The following PPARGC1A variants were observed in gnomAD, a reference collection of about 807,000 sequenced individuals.
The protein encoded by PPARGC1A is PPARG coactivator 1 alpha.
Under a neutral mutation model 88.7 loss-of-function variants are expected in PPARGC1A, and 25 were observed. The ratio of observed to expected loss-of-function variants is 0.28; its 90% CI spans 0.21 to 0.39. The LOEUF (loss-of-function observed/expected upper bound fraction) is 0.39, where lower values mean the gene tolerates loss of function less well. Among genes scored for constraint, PPARGC1A ranks in the 10% least tolerant of loss-of-function variants. The probability of loss-of-function intolerance (pLI) is 1.00; values close to 1 mark genes in which losing one functional copy is unlikely to be tolerated. For missense variants in PPARGC1A, 880 were observed against 968.7 expected (o/e 0.91, Z 1.22); for synonymous variants, 363 against 355.6 (o/e 1.02, Z -0.24).
chr4:24,052,109 T>A, the PPARGC1A span, among the ~76,000 whole-genome samples: 1 of 152,150 alleles, frequency 6.6e-6, no homozygotes, highest in Admixed American at 6.5e-5. Flanking sequence ...GTATAAACAA[T>A]GATTCTGAGG....
the PPARGC1A span, among the ~76,000 whole-genome samples, chr4:24,068,305 T>C: frequency 4.6e-5 from 7 of 152,178 alleles, no homozygotes; most frequent in African/African-American, 1.7e-4. Flanking sequence ...AACTAGAAGG[T>C]AGGAATGATT....
In PPARGC1A at chr4:23,824,504, T is replaced by C; in HGVS notation, c.762A>G (p.Lys254=). The change falls in exon 6 of 13, where the codon AAA becomes AAG. Residue 254 remains lysine, a synonymous_variant. Coordinates refer to ENST00000264867, the MANE Select transcript of PPARGC1A (RefSeq NM_013261.5). Reference sequence around the variant, plus strand: ...TCAGAGGAAGAGATAAAGTTGTTGGTTTGGCTAAAGAAAAAAAAAAGAAAC... The same window carrying C: ...TCAGAGGAAGAGATAAAGTTGTTGGCTTGGCTAAAGAAAAAAAAAAGAAAC... ...TQSQSQHLQA[K]PTTLSLPLTP... 6.2e-7 allele frequency: 1 copy of C among 1,603,396 alleles called. No homozygotes were observed.
the PPARGC1A span, among the ~76,000 whole-genome samples, chr4:24,021,534 T>TG: frequency 4.7e-5 from 6 of 128,668 alleles, no homozygotes; most frequent in African/African-American, 9.1e-5. Context: ...GGGTGAGAAG[T>TG]GGGGGGCATA....
the PPARGC1A span, among the ~76,000 whole-genome samples, chr4:24,176,463 G>A: frequency 6.6e-6 from 1 of 152,138 alleles, no homozygotes; most frequent in Admixed American, 6.5e-5. Context: ...ATGTGAAATG[G>A]GGTAAAGGAG....
chr4:24,097,890 C>T, the PPARGC1A span, among the ~76,000 whole-genome samples: 5 of 152,088 alleles, frequency 3.3e-5, no homozygotes, highest in African/African-American at 1.2e-4. Context: ...GGAGTGAAGA[C>T]TTTCTGGTCT....
At chr4:23,889,038 TC>T (rs1717381263) in intron 1 of PPARGC1A, 1 of 985,090 alleles carries the variant, frequency 1.0e-6, no homozygotes, top group African/African-American at 1.7e-5. Flanking sequence ...AGGTCCTCCG[TC>T]CCCCCACTAG....
the PPARGC1A span, among the ~76,000 whole-genome samples, chr4:24,256,329 C>T: frequency 6.6e-6 from 1 of 152,182 alleles, no homozygotes; most frequent in African/African-American, 2.4e-5. Flanking sequence ...GACATGTCAA[C>T]AAGTCTGCCT....
the PPARGC1A span, among the ~76,000 whole-genome samples, chr4:24,230,186 A>G: frequency 6.6e-6 from 1 of 152,188 alleles, no homozygotes; most frequent in East Asian, 1.9e-4. Context: ...GATCATCCTT[A>G]GTCATTCTTG....
the PPARGC1A span, among the ~76,000 whole-genome samples, chr4:24,135,500 C>A: frequency 6.6e-6 from 1 of 152,036 alleles, no homozygotes. Flanking sequence ...TTTCTCCTCT[C>A]GTAAGAAAAT....
At chr4:24,391,418 C>A in the PPARGC1A span, among the ~76,000 whole-genome samples, 27,047 of 152,106 alleles carry the variant, frequency 0.18, 2,613 homozygotes, top group Middle Eastern at 0.32. Flanking sequence ...GGTACACTTT[C>A]TTCTAATTTG....
At chr4:23,866,195 G>C (rs1195277634) in intron 2 of PPARGC1A, 1 of 152,022 alleles carries the variant, frequency 6.6e-6, no homozygotes, top group Non-Finnish European at 1.5e-5. Flanking sequence ...TCACTGAGGA[G>C]AAAGCTTTAA....
chr4:24,266,258 A>G, the PPARGC1A span, among the ~76,000 whole-genome samples: 2 of 152,132 alleles, frequency 1.3e-5, no homozygotes, highest in African/African-American at 4.8e-5. Flanking sequence ...CCCACTTGGG[A>G]CCAGATGGAG....
At chr4:24,236,313 G>C in the PPARGC1A span, among the ~76,000 whole-genome samples, 94 of 152,212 alleles carry the variant, frequency 6.2e-4, no homozygotes, top group African/African-American at 2.2e-3. Flanking sequence ...TTCTCTTGTG[G>C]GCTTGGCACT....
chr4:23,952,813 T>C, the PPARGC1A span, among the ~76,000 whole-genome samples: 8 of 152,108 alleles, frequency 5.3e-5, no homozygotes, highest in African/African-American at 1.9e-4. Flanking sequence ...GCTAATCTTT[T>C]AGTGCCTCTA....
chr4:24,258,766 A>G, the PPARGC1A span, among the ~76,000 whole-genome samples: 1 of 152,238 alleles, frequency 6.6e-6, no homozygotes, highest in Non-Finnish European at 1.5e-5. Context: ...ATACTTCAGA[A>G]GTAATTTCGT....
the PPARGC1A span, among the ~76,000 whole-genome samples, chr4:24,175,461 G>C: frequency 7.3e-6 from 1 of 136,198 alleles, no homozygotes; most frequent in Non-Finnish European, 1.5e-5. Context: ...TGCAACCTCT[G>C]ACTTCCAGGT....
the PPARGC1A span, among the ~76,000 whole-genome samples, chr4:24,177,681 G>A: frequency 2.8e-5 from 4 of 144,526 alleles, no homozygotes; most frequent in African/African-American, 5.1e-5. Context: ...TTTAAAAAAG[G>A]AAAAAAAAAA....
chr4:24,462,981 GAA>G, the PPARGC1A span, among the ~76,000 whole-genome samples: 10 of 152,028 alleles, frequency 6.6e-5, no homozygotes, highest in African/African-American at 2.4e-4. Context: ...CTTAGCAGGT[GAA>G]AAGTCTCCAT....
chr4:24,398,447 T>A, the PPARGC1A span, among the ~76,000 whole-genome samples: 1 of 152,358 alleles, frequency 6.6e-6, no homozygotes, highest in African/African-American at 2.4e-5. Context: ...TACTTGGTCT[T>A]CTTTTAAATC....
Sources: gnomAD v4.1 joint callset for allele counts (sites outside exome capture counted in the v4.1 genomes callset) on GRCh38, gnomAD v4.1.1 for gene constraint, MANE v1.5 for transcripts, NCBI Gene and HGNC (gene_info 2026-07-23, HGNC 2026-07-21) for gene names.